Variants in PTPN3 observed in about 807,000 individuals in gnomAD.
PTPN3 encodes the protein tyrosine-protein phosphatase non-receptor type 3.
A neutral mutation model predicts 132.7 loss-of-function variants in PTPN3; 96 were observed. That is an observed-to-expected ratio of 0.72 (90% CI 0.61 to 0.86). The LOEUF is 0.86. Ranked by LOEUF, PTPN3 falls within the 40% of genes least tolerant of loss-of-function variation. The pLI, the probability that PTPN3 is intolerant of heterozygous loss-of-function variation, is 0.00. For missense variants in PTPN3, 1,125 were observed against 1,159.6 expected (o/e 0.97, Z 0.43); for synonymous variants, 398 against 429.0 (o/e 0.93, Z 0.89).
intron 6 of PTPN3, 56 bp downstream of exon 6, chr9:109,448,755 A>G: frequency 6.7e-7 from 1 of 1,495,954 alleles, no homozygotes; most frequent in African/African-American, 1.4e-5. Flanking sequence ...TCATTAGATT[A>G]AAACCAGGAA....
the PTPN3 span, among the ~76,000 whole-genome samples, chr9:109,525,858 A>G: frequency 6.6e-6 from 1 of 152,338 alleles, no homozygotes; most frequent in African/African-American, 2.4e-5. Flanking sequence ...GTATACTTAA[A>G]ATTGGTGAAT....
intron 5 of PTPN3, chr9:109,450,376 G>GA (rs1205299399): frequency 1.0e-6 from 1 of 984,896 alleles, no homozygotes; most frequent in African/African-American, 1.7e-5. Flanking sequence ...GCTACTGAGA[G>GA]AAAAAAAGAG....
At chr9:109,383,576 T>C (rs1306282486) in intron 22 of PTPN3, 25 bp from the exon 23 acceptor site, 5 of 1,606,142 alleles carry the variant, frequency 3.1e-6, no homozygotes, top group South Asian at 1.1e-5. Flanking sequence ...CGAGAGTGAG[T>C]GAGCCCCGTC....
At position 109,379,362 on chromosome 9, in the gene PTPN3, A is replaced by T; in HGVS notation, c.*194T>A. On this transcript the variant is annotated 3_prime_UTR_variant, in exon 26 of 26. Transcript: ENST00000374541. ...TAGAAATACAGGCCTAAATGATGCCATAATTGCATGCTTATCTACACCAGT... is the reference window on the plus strand; with the variant it reads ...TAGAAATACAGGCCTAAATGATGCCTTAATTGCATGCTTATCTACACCAGT... 1 of 587,108 alleles carries T rather than the reference A, an allele frequency of 1.7e-6. No homozygotes were observed. Among genetic ancestry groups the T allele is most frequent in the Non-Finnish European group, 3.0e-6 (1 of 330,536 alleles). The allele number at this position is 587,108 out of a possible 1,614,324, so 36.4% of individuals were successfully genotyped here.
intron 7 of PTPN3, among the ~76,000 whole-genome samples, chr9:109,443,988 G>A (rs1366366271): frequency 1.3e-5 from 2 of 152,102 alleles, no homozygotes; most frequent in Non-Finnish European, 2.9e-5. Flanking sequence ...TTCTTTCCTG[G>A]TAGGGAAATA....
At position 109,410,259 on chromosome 9, in the gene PTPN3, G is replaced by A. The variant is rs560782508; in HGVS notation, c.1470C>T (p.Thr490=). 3.0e-5 allele frequency: 49 copies of A among 1,614,170 alleles called. No homozygotes were observed. The South Asian group carries it at 3.5e-4, about 12-fold the overall frequency. The change falls in exon 15 of 26, where the codon ACC becomes ACT. Residue 490 remains threonine (T), a synonymous_variant. Coordinates refer to ENST00000374541, the MANE Select transcript of PTPN3 (RefSeq NM_002829.4). ...DFHRVTKGGS[T]EDASQYYCDK... Reference sequence around the variant, plus strand: ...CACAGTAGTACTGGCTGGCGTCCTCGGTGGAGCCCCCTTTGGTCACCCTGT... The same window carrying A: ...CACAGTAGTACTGGCTGGCGTCCTCAGTGGAGCCCCCTTTGGTCACCCTGT...
intron 1 of PTPN3, 98 bp from the exon 2 acceptor site, chr9:109,463,549 T>C: frequency 8.6e-7 from 1 of 1,165,954 alleles, no homozygotes; most frequent in Non-Finnish European, 1.2e-6. Context: ...CGATACTGTC[T>C]GACGGACTCA....
intron 18 of PTPN3, among the ~76,000 whole-genome samples, chr9:109,405,314 C>G (rs1841476136): frequency 6.6e-6 from 1 of 152,126 alleles, no homozygotes; most frequent in South Asian, 2.1e-4. Flanking sequence ...CCTGGTGGCT[C>G]TGGACTGAGA....
At chr9:109,489,926 A>T (rs938133458) in intron 1 of PTPN3, among the ~76,000 whole-genome samples, 4 of 152,168 alleles carry the variant, frequency 2.6e-5, no homozygotes, top group Admixed American at 6.5e-5. Flanking sequence ...TCATGCCTAT[A>T]ATCCCAGCAC....
rs543185591 is a variant in PTPN3 at position 109,407,631 on chromosome 9, G to A, written c.1635+690C>T. On this transcript the variant is annotated intron_variant, in intron 17 of 25. Transcript: ENST00000374541. ...GTGATCTCAGCTCACTGCAACCTCT[G>A]CCTCCTGGGTTCAAGGAATTCTCCT... 2.0e-5 allele frequency among the ~76,000 whole-genome samples: 3 copies of A among 152,224 alleles called. No homozygotes were observed. In the South Asian group the frequency reaches 6.2e-4, roughly 32 times the overall value.
intron 7 of PTPN3, among the ~76,000 whole-genome samples, chr9:109,439,648 C>T (rs1352417503): frequency 6.6e-6 from 1 of 152,216 alleles, no homozygotes; most frequent in Non-Finnish European, 1.5e-5. Context: ...GTAGCTCACG[C>T]CTGTAATCCC....
rs1446775886 is a variant in PTPN3, at chr9:109,391,876, G to GT, written c.1954-316_1954-315insA. ...AGCTAAAAGCAACTAGATGTGGGGG[G>GT]GGGGGGGAAGAATTCTGGCTCAAAA... On this transcript the variant is annotated intron_variant, in intron 19 of 25. Transcript: ENST00000374541. 8.8e-5 allele frequency among the ~76,000 whole-genome samples: 9 copies of GT among 102,802 alleles called. No individual in the cohort carries two copies. In the East Asian group the frequency reaches 2.0e-3, roughly 23 times the overall value. The allele number at this position is 102,802 out of a possible 152,430, so 67.4% of individuals were successfully genotyped here. A position where few individuals can be genotyped will look rare whatever the true frequency, so the allele number is the denominator to read the frequency against.
At chr9:109,431,518 C>G (rs1843663765) in intron 10 of PTPN3, among the ~76,000 whole-genome samples, 1 of 152,214 alleles carries the variant, frequency 6.6e-6, no homozygotes. Flanking sequence ...CCCAGCCCAC[C>G]AAGCAGGCTG....
the PTPN3 span, chr9:109,533,965 T>C: frequency 2.6e-5 from 20 of 757,688 alleles, 1 homozygote; most frequent in South Asian, 2.9e-4. Flanking sequence ...TAACATGTGC[T>C]GCCTCTGCAC....
At chr9:109,465,490 A>G (rs1006274695) in intron 1 of PTPN3, among the ~76,000 whole-genome samples, 52 of 152,150 alleles carry the variant, frequency 3.4e-4, no homozygotes, top group African/African-American at 1.3e-3. Flanking sequence ...CAGACGGATC[A>G]CCTGAGATCA....
chr9:109,460,939 T>C (rs1441305134), intron 2 of PTPN3, among the ~76,000 whole-genome samples: 1 of 152,212 alleles, frequency 6.6e-6, no homozygotes, highest in Admixed American at 6.5e-5. Flanking sequence ...ATGAGTTATA[T>C]ACTAACAAAC....
chr9:109,437,931 T>C (rs899180149), intron 8 of PTPN3, among the ~76,000 whole-genome samples, 183 bp downstream of exon 8: 2 of 152,198 alleles, frequency 1.3e-5, no homozygotes, highest in African/African-American at 4.8e-5. Flanking sequence ...TTTTACACTT[T>C]ACAGAAATGC....
chr9:109,392,391 T>C (rs1437895072), intron 19 of PTPN3, among the ~76,000 whole-genome samples: 1 of 152,162 alleles, frequency 6.6e-6, no homozygotes, highest in Non-Finnish European at 1.5e-5. Flanking sequence ...TTTTTTTTTT[T>C]TGCGGAAAAT....
chr9:109,431,896 T>C (rs1219542701), intron 10 of PTPN3, among the ~76,000 whole-genome samples: 2 of 152,070 alleles, frequency 1.3e-5, no homozygotes, highest in African/African-American at 4.8e-5. Context: ...ATAACCTATA[T>C]AGTGCCTATT....
Sources: gnomAD v4.1 joint callset for allele counts (sites outside exome capture counted in the v4.1 genomes callset) on GRCh38, gnomAD v4.1.1 for gene constraint, MANE v1.5 for transcripts, NCBI Gene and HGNC (gene_info 2026-07-23, HGNC 2026-07-21) for gene names.